Variants in MED17 observed in about 807,000 individuals in gnomAD.
MED17 encodes mediator of RNA polymerase II transcription subunit 17.
A neutral mutation model predicts 80.8 loss-of-function variants in MED17; 49 were observed. The observed-to-expected ratio is 0.61, with a 90% CI of 0.48 to 0.77. The LOEUF (loss-of-function observed/expected upper bound fraction) is 0.77, where lower values mean the gene tolerates loss of function less well. Among genes scored for constraint, MED17 ranks in the 30% least tolerant of loss-of-function variants. MED17 has a pLI of 0.00. For synonymous variants in MED17, 281 were observed against 280.4 expected, an observed-to-expected ratio of 1.00 and a Z score of -0.02; for missense variants, 718 against 787.0, an observed-to-expected ratio of 0.91 and a Z score of 1.05.
At chr11:93,796,604 A>G (rs1943905614) in intron 7 of MED17, 64 bp downstream of exon 7, 4 of 1,574,230 alleles carry the variant, frequency 2.5e-6, no homozygotes, top group South Asian at 1.1e-5. Flanking sequence ...AGTATGCACA[A>G]AGCTCCTCTC....
At position 93,784,518 on chromosome 11, in the gene MED17, C is replaced by T. The variant is rs201799308; in HGVS notation, c.5C>T (p.Ser2Phe). ...CCGCTGGCCGACGCAGCCAGCATGT[C>T]CGGGGTGCGCGCAGTGCGGATCAGC... MSGVRAVRISIE... is the reference protein window; with the variant it reads MFGVRAVRISIE... Residue 2 changes from serine to phenylalanine, a missense_variant, in exon 1 of 12, where the codon TCC becomes TTC. Transcript: ENST00000251871. 1.2e-6 allele frequency: 2 copies of T among 1,600,804 alleles called. No homozygotes were observed. The highest frequency in any genetic ancestry group is 1.7e-6 in the Non-Finnish European group (2 of 1,171,528).
intron 10 of MED17, chr11:93,807,899 C>T (rs1944042923): frequency 4.2e-6 from 2 of 472,006 alleles, no homozygotes; most frequent in South Asian, 4.4e-5. Context: ...TTTTTTCCCA[C>T]ATGTCATATT....
Position 93,812,422 on chromosome 11 carries a change from T to C in MED17, c.*358T>C. ...TTAAAAAAATCTCCAAATACCTTTT[T>C]TTCCCCCCAAATACTTTCTAAACTT... On this transcript the variant is annotated 3_prime_UTR_variant, in exon 12 of 12. Transcript: ENST00000251871. 2.1e-6 allele frequency: 1 copy of C among 481,072 alleles called. No individual in the cohort carries two copies. 29.8% of individuals were successfully genotyped at this position (481,072 alleles called of 1,614,324 possible). A position where few individuals can be genotyped will look rare whatever the true frequency, so the allele number is the denominator to read the frequency against.
chr11:93,790,938 C>G, intron 3 of MED17, 145 bp downstream of exon 3: 1 of 743,352 alleles, frequency 1.3e-6, no homozygotes, highest in Non-Finnish European at 2.2e-6. Flanking sequence ...AAAACCCTAT[C>G]TCTACCAAAA....
Position 93,784,483 on chromosome 11 carries a change from G to A in MED17, c.-31G>A. Reference sequence around the variant, plus strand: ...GTACCTCGTTTTTTGGCTCGTGGGGGGTCCTCCCACCGCTGGCCGACGCAG... The same window carrying A: ...GTACCTCGTTTTTTGGCTCGTGGGGAGTCCTCCCACCGCTGGCCGACGCAG... On this transcript the variant is annotated 5_prime_UTR_variant, in exon 1 of 12. Coordinates refer to ENST00000251871, the MANE Select transcript of MED17 (RefSeq NM_004268.5). 3.8e-6 allele frequency: 6 copies of A among 1,580,528 alleles called. No individual in the cohort carries two copies. Among genetic ancestry groups the A allele is most frequent in the South Asian group, 2.2e-5 (2 of 89,596 alleles).
intron 8 of MED17, chr11:93,800,897 A>G (rs941102140): frequency 2.0e-5 from 3 of 152,056 alleles, no homozygotes; most frequent in Admixed American, 1.3e-4. Context: ...TTGTCCTCCC[A>G]AAGTGTTTTG....
At chr11:93,811,732 G>T in intron 11 of MED17, 121 bp from the exon 12 acceptor site, 2 of 891,414 alleles carry the variant, frequency 2.2e-6, no homozygotes, top group East Asian at 2.5e-5. Flanking sequence ...TTTTTTACAA[G>T]AATATTTAAG....
chr11:93,809,620 G>A (rs576853701), intron 10 of MED17, 97 bp from the exon 11 acceptor site: 11 of 1,285,594 alleles, frequency 8.6e-6, no homozygotes, highest in African/African-American at 5.8e-5. Flanking sequence ...GTAGTAGTCA[G>A]TGAGCACCCC....
chr11:93,785,565 A>G (rs1416644775), intron 1 of MED17, among the ~76,000 whole-genome samples: 1 of 152,208 alleles, frequency 6.6e-6, no homozygotes, highest in African/African-American at 2.4e-5. Flanking sequence ...AAAAAAAGGT[A>G]AATACTACTT....
intron 4 of MED17, 35 bp downstream of exon 4, chr11:93,793,899 C>T (rs752845171): frequency 9.3e-6 from 15 of 1,612,706 alleles, no homozygotes; most frequent in Middle Eastern, 1.6e-4. Context: ...TAATTTCTTA[C>T]GAATAGCCTG....
At chr11:93,790,528 C>A in intron 2 of MED17, 46 bp from the exon 3 acceptor site, 1 of 1,514,302 alleles carries the variant, frequency 6.6e-7, no homozygotes, top group South Asian at 1.2e-5. Context: ...ATTTTAGAGT[C>A]ATTTAAAAAT....
At chr11:93,788,297 C>G in intron 2 of MED17, 130 bp downstream of exon 2, 1 of 750,666 alleles carries the variant, frequency 1.3e-6, no homozygotes, top group Non-Finnish European at 2.2e-6. Flanking sequence ...TAAAGACTAA[C>G]TGGTCTAAAA....
chr11:93,799,768 A>G (rs1466270381), intron 8 of MED17, among the ~76,000 whole-genome samples: 1 of 152,200 alleles, frequency 6.6e-6, no homozygotes, highest in Non-Finnish European at 1.5e-5. Context: ...ACAGAGTGAA[A>G]CCATGTCTTA....
intron 9 of MED17, 127 bp from the exon 10 acceptor site, chr11:93,807,391 C>T: frequency 1.5e-6 from 1 of 681,154 alleles, no homozygotes; most frequent in Non-Finnish European, 2.6e-6. Context: ...CCAGCCTGGG[C>T]AACAGGCTTT....
chr11:93,792,897 C>T (rs1591384201), intron 3 of MED17, among the ~76,000 whole-genome samples: 1 of 151,964 alleles, frequency 6.6e-6, no homozygotes, highest in Non-Finnish European at 1.5e-5. Context: ...GCTATGATTA[C>T]ACCACCACAC....
rs569668738 is a variant in MED17, at chr11:93,803,942, C to A, written c.1466+1970C>A. Among the ~76,000 whole-genome samples, 2 of 147,838 alleles carry A rather than the reference C, an allele frequency of 1.4e-5. 1 individual carries two copies. The highest frequency in any genetic ancestry group is 5.1e-5 in the African/African-American group (2 of 39,258). ...CGTGTATTAGGGTTCTCTAGAGGGA[C>A]AGAACTAATGGAATGTGTATGTGTG... is the stretch of plus-strand genomic sequence containing the variant. On this transcript the variant is annotated intron_variant, in intron 9 of 11. Transcript: ENST00000251871.
intron 10 of MED17, chr11:93,808,423 A>T (rs1419600707): frequency 6.6e-6 from 1 of 151,164 alleles, no homozygotes; most frequent in East Asian, 2.0e-4. Flanking sequence ...GCTCTACGAC[A>T]AACTTGCTTT....
At chr11:93,797,293 C>T (rs116827576) in intron 7 of MED17, 179 of 481,910 alleles carry the variant, frequency 3.7e-4, no homozygotes, top group African/African-American at 3.0e-3. Flanking sequence ...ATTAGGATGT[C>T]GGCGCATTAC....
rs1304067406 is a variant in MED17, at chr11:93,784,746, A to G, written c.233A>G (p.Asp78Gly). The stretch of plus-strand genomic sequence containing the variant: ...TGGCCGGGCGCCGGGTCCAGCGCAG[A>G]CCAGGACGACGAGGAAGGTAAGGCC... ...QEWPGAGSSA[D>G]QDDEEGVVKF... Residue 78 changes from aspartate (D) to glycine (G), a missense_variant, in exon 1 of 12, where the codon GAC becomes GGC. By Grantham distance (94) the Asp-to-Gly change is moderately conservative. Transcript: ENST00000251871. The G allele has an allele frequency of 1.2e-5, 18 of 1,541,190 alleles. No homozygotes were observed. The highest frequency in any genetic ancestry group is 2.0e-5 in the Admixed American group (1 of 50,992).
Sources: gnomAD v4.1 joint callset for allele counts (sites outside exome capture counted in the v4.1 genomes callset) on GRCh38, gnomAD v4.1.1 for gene constraint, MANE v1.5 for transcripts, NCBI Gene and HGNC (gene_info 2026-07-23, HGNC 2026-07-21) for gene names.